Variants in SUN3 observed in about 807,000 individuals in gnomAD.
SUN3 encodes SUN domain-containing protein 3.
SUN3 carries 36 observed loss-of-function variants against 48.2 expected under a neutral mutation model. The observed-to-expected ratio is 0.75, with a 90% confidence interval of 0.57 to 0.99. The LOEUF (loss-of-function observed/expected upper bound fraction) is 0.99. Among genes scored for constraint, SUN3 ranks in the 50% least tolerant of loss-of-function variants. The pLI is 0.00. For missense variants in SUN3, 419 were observed against 433.1 expected (o/e 0.97, Z 0.29); for synonymous variants, 148 against 147.9 (o/e 1.00, Z 0.00).
chr7:48,034,378 TA>T, the SUN3 span, among the ~76,000 whole-genome samples: 1 of 152,224 alleles, frequency 6.6e-6, no homozygotes, highest in Admixed American at 6.5e-5. Flanking sequence ...TATACTCGTG[TA>T]ACAGAAACAG....
At chr7:48,000,852 A>T (rs1453760905) in intron 6 of SUN3, among the ~76,000 whole-genome samples, 6 of 141,472 alleles carry the variant, frequency 4.2e-5, no homozygotes, top group African/African-American at 1.3e-4. Context: ...ATGCTTTTTG[A>T]GTCTGTAAAT....
intron 3 of SUN3, among the ~76,000 whole-genome samples, chr7:48,015,702 C>T (rs1789792418): frequency 6.6e-6 from 1 of 152,178 alleles, no homozygotes; most frequent in Non-Finnish European, 1.5e-5. Context: ...CAGCAGTAAC[C>T]TGGTCATAGC....
intron 6 of SUN3, among the ~76,000 whole-genome samples, chr7:48,003,548 G>GT (rs1236467211): frequency 6.6e-6 from 1 of 152,150 alleles, no homozygotes; most frequent in East Asian, 1.9e-4. Flanking sequence ...AGCATGAGAT[G>GT]TTTTTCCATT....
intron 8 of SUN3, among the ~76,000 whole-genome samples, chr7:47,991,943 G>A (rs945186471): frequency 5.9e-5 from 9 of 152,150 alleles, no homozygotes; most frequent in Non-Finnish European, 7.4e-5. Context: ...TAAGACCACT[G>A]CCGGCGCCGC....
chr7:48,031,869 C>T (rs1302186950), upstream of SUN3, among the ~76,000 whole-genome samples: 3 of 150,328 alleles, frequency 2.0e-5, no homozygotes, highest in Admixed American at 6.6e-5. Context: ...CACACACACA[C>T]GGTGGGTGTG....
chr7:48,030,716 T>C (rs1790243938), upstream of SUN3, among the ~76,000 whole-genome samples: 1 of 152,240 alleles, frequency 6.6e-6, no homozygotes, highest in South Asian at 2.1e-4. Flanking sequence ...TGTGCAATAG[T>C]AATCTTGTAT....
intron 6 of SUN3, among the ~76,000 whole-genome samples, chr7:48,000,868 G>GTTTTTT (rs143433372): frequency 7.0e-6 from 1 of 143,786 alleles, no homozygotes; most frequent in Non-Finnish European, 1.5e-5. Context: ...TAAATTTATG[G>GTTTTTT]TTTTTTTTTT....
At chr7:47,991,560 T>G (rs1789060452) in intron 8 of SUN3, among the ~76,000 whole-genome samples, 1 of 151,596 alleles carries the variant, frequency 6.6e-6, no homozygotes, top group Non-Finnish European at 1.5e-5. Flanking sequence ...GGCATAAACC[T>G]ATATAAGGCA....
intron 3 of SUN3, among the ~76,000 whole-genome samples, chr7:48,014,542 T>G (rs1789760372): frequency 6.6e-6 from 1 of 152,140 alleles, no homozygotes; most frequent in Non-Finnish European, 1.5e-5. Context: ...ACCTGGATAT[T>G]GTCACAGGTG....
At chr7:48,001,636 C>T (rs1789379269) in intron 6 of SUN3, among the ~76,000 whole-genome samples, 1 of 149,588 alleles carries the variant, frequency 6.7e-6, no homozygotes, top group African/African-American at 2.5e-5. Flanking sequence ...CAGGTTCACA[C>T]CATTCTCCTG....
At chr7:47,994,263 C>A in intron 8 of SUN3, 52 bp downstream of exon 8, 1 of 1,594,052 alleles carries the variant, frequency 6.3e-7, no homozygotes, top group Non-Finnish European at 8.6e-7. Context: ...AATTCCTAGC[C>A]AACCACCTTC....
chr7:48,011,989 C>A (rs1006084602), intron 3 of SUN3, among the ~76,000 whole-genome samples: 1 of 152,172 alleles, frequency 6.6e-6, no homozygotes, highest in Non-Finnish European at 1.5e-5. Flanking sequence ...TTTACCACAT[C>A]CACAATGTGG....
chr7:48,019,977 C>CAAAAA (rs869166401), intron 2 of SUN3, among the ~76,000 whole-genome samples: 513 of 63,552 alleles, frequency 8.1e-3, no homozygotes, highest in Middle Eastern at 0.015. Flanking sequence ...AAAGACACAT[C>CAAAAA]AAAAAAAAAA....
At chr7:48,008,964 T>A in intron 4 of SUN3, 71 bp downstream of exon 4, 1 of 1,472,702 alleles carries the variant, frequency 6.8e-7, no homozygotes, top group Non-Finnish European at 9.3e-7. Flanking sequence ...TTCTTATACT[T>A]TTCTGTACGA....
At chr7:48,021,534 T>A in intron 2 of SUN3, among the ~76,000 whole-genome samples, 2 of 137,928 alleles carry the variant, frequency 1.5e-5, no homozygotes. Context: ...AAGAAGAATA[T>A]ATAAGGAGCT....
chr7:48,006,122 T>G (rs1385296778), intron 5 of SUN3, 69 bp from the exon 6 acceptor site: 3 of 1,176,774 alleles, frequency 2.5e-6, no homozygotes, highest in Non-Finnish European at 3.7e-6. Flanking sequence ...GACCATTCAT[T>G]TTATTGATTT....
intron 6 of SUN3, among the ~76,000 whole-genome samples, chr7:47,999,238 T>A (rs1161736025): frequency 2.0e-5 from 3 of 152,184 alleles, no homozygotes; most frequent in Non-Finnish European, 4.4e-5. Flanking sequence ...AAGTATTTTA[T>A]GTTTTTTACT....
At chr7:48,003,859 T>G in intron 6 of SUN3, among the ~76,000 whole-genome samples, 1 of 152,126 alleles carries the variant, frequency 6.6e-6, no homozygotes, top group African/African-American at 2.4e-5. Context: ...CAAACAGGGA[T>G]AGTTTGACTT....
At chr7:47,993,115 G>A (rs1354885230) in intron 8 of SUN3, among the ~76,000 whole-genome samples, 2 of 152,068 alleles carry the variant, frequency 1.3e-5, no homozygotes, top group Admixed American at 6.5e-5. Flanking sequence ...ATTACACTCA[G>A]AAACATTTAA....
Sources: allele counts gnomAD v4.1 joint callset (sites outside exome capture counted in the v4.1 genomes callset), GRCh38; gene constraint gnomAD v4.1.1; transcripts MANE v1.5; gene names NCBI Gene and HGNC (gene_info 2026-07-23, HGNC 2026-07-21).